EPHA3: variants seen among roughly 807,000 people sequenced by gnomAD.
The protein encoded by EPHA3 is EPH receptor A3.
A neutral mutation model predicts 107.1 loss-of-function variants in EPHA3; 42 were observed. That is an observed-to-expected ratio of 0.39 (90% CI 0.31 to 0.51). The LOEUF is 0.51. EPHA3 is among the 20% of genes least tolerant of loss of function. EPHA3 has a pLI of 0.78. For synonymous variants in EPHA3, 461 were observed against 424.8 expected (o/e 1.09, Z -1.05); for missense variants, 1,183 against 1,211.2 (o/e 0.98, Z 0.35).
intron 5 of EPHA3, among the ~76,000 whole-genome samples, chr3:89,376,288 G>C (rs1708401665): frequency 6.6e-6 from 1 of 151,514 alleles, no homozygotes; most frequent in Non-Finnish European, 1.5e-5. Context: ...AAGAATACAT[G>C]AATCTAATAT....
chr3:89,201,608 G>A (rs1705970344), intron 2 of EPHA3, among the ~76,000 whole-genome samples: 1 of 152,230 alleles, frequency 6.6e-6, no homozygotes, highest in Non-Finnish European at 1.5e-5. Flanking sequence ...TCTGACCACT[G>A]TCTCGCAGCT....
At chr3:89,207,543 G>C (rs1236460761) in intron 2 of EPHA3, among the ~76,000 whole-genome samples, 1 of 151,398 alleles carries the variant, frequency 6.6e-6, no homozygotes, top group Non-Finnish European at 1.5e-5. Flanking sequence ...AACAAACAAA[G>C]CAAAAAACAC....
chr3:89,327,540 C>A (rs1414500430), intron 3 of EPHA3, among the ~76,000 whole-genome samples: 1 of 152,034 alleles, frequency 6.6e-6, no homozygotes, highest in Non-Finnish European at 1.5e-5. Flanking sequence ...ACTGAGGGCA[C>A]GTTAGGTGTA....
At chr3:89,214,866 T>C (rs1336190394) in intron 3 of EPHA3, among the ~76,000 whole-genome samples, 1 of 151,918 alleles carries the variant, frequency 6.6e-6, no homozygotes, top group Non-Finnish European at 1.5e-5. Flanking sequence ...TAAGAAAGCA[T>C]GATTTAGGAA....
chr3:89,242,377 G>A (rs1200627355), intron 3 of EPHA3, among the ~76,000 whole-genome samples: 1 of 152,136 alleles, frequency 6.6e-6, no homozygotes, highest in African/African-American at 2.4e-5. Flanking sequence ...ATGTCCAAGT[G>A]TGCACTGCAA....
At chr3:89,202,534 A>AATATATAT (rs71105121) in intron 2 of EPHA3, among the ~76,000 whole-genome samples, 8 of 37,684 alleles carry the variant, frequency 2.1e-4, no homozygotes, top group East Asian at 1.3e-3. Flanking sequence ...AAAAAAAAAA[A>AATATATAT]ATATATATAT....
chr3:89,341,158 T>C, intron 4 of EPHA3, 87 bp downstream of exon 4: 2 of 1,406,356 alleles, frequency 1.4e-6, no homozygotes, highest in Non-Finnish European at 1.9e-6. Context: ...TTAAAGCATT[T>C]GGCCCATTTC....
chr3:89,187,235 C>T (rs888038600), intron 2 of EPHA3, among the ~76,000 whole-genome samples: 6 of 149,952 alleles, frequency 4.0e-5, no homozygotes, highest in Non-Finnish European at 7.4e-5. Flanking sequence ...TTATAATATG[C>T]TTAATGTATA....
chr3:89,425,483 T>C (rs1172750241), intron 11 of EPHA3, among the ~76,000 whole-genome samples: 1 of 150,758 alleles, frequency 6.6e-6, no homozygotes, highest in East Asian at 2.0e-4. Context: ...GATTTTATAA[T>C]ATACCCTCAT....
intron 2 of EPHA3, among the ~76,000 whole-genome samples, chr3:89,138,474 G>A (rs1254293445): frequency 1.3e-5 from 2 of 151,916 alleles, no homozygotes; most frequent in South Asian, 2.1e-4. Flanking sequence ...GAATTGGAAA[G>A]TCCCTGTCAT....
intron 3 of EPHA3, among the ~76,000 whole-genome samples, chr3:89,275,378 G>T (rs1705781737): frequency 6.6e-6 from 1 of 151,986 alleles, no homozygotes; most frequent in Non-Finnish European, 1.5e-5. Flanking sequence ...CAGGAAACTG[G>T]ATTTCCCTCT....
chr3:89,420,589 T>G (rs990255350), intron 11 of EPHA3, among the ~76,000 whole-genome samples: 2 of 151,536 alleles, frequency 1.3e-5, no homozygotes, highest in African/African-American at 4.8e-5. Flanking sequence ...TTTTTAAATT[T>G]TAAGTTAATA....
intron 5 of EPHA3, among the ~76,000 whole-genome samples, chr3:89,379,231 T>C (rs2107481828): frequency 6.6e-6 from 1 of 152,238 alleles, no homozygotes; most frequent in East Asian, 1.9e-4. Context: ...AAAGAGTAAA[T>C]TTGTTTGGGA....
At chr3:89,219,688 G>GTTTGTTT (rs1704308131) in intron 3 of EPHA3, among the ~76,000 whole-genome samples, 1 of 34,440 alleles carries the variant, frequency 2.9e-5, no homozygotes, top group East Asian at 8.5e-4. Flanking sequence ...ATTTGGCAAT[G>GTTTGTTT]TTTTTTTTTT....
At chr3:89,244,658 A>C (rs555834627) in intron 3 of EPHA3, among the ~76,000 whole-genome samples, 1 of 152,250 alleles carries the variant, frequency 6.6e-6, no homozygotes, top group Non-Finnish European at 1.5e-5. Context: ...ATTTTAAATT[A>C]GCTCTACTTC....
rs187022624 is a variant in EPHA3, at chr3:89,138,050, A to T, written c.153+10777A>T. Among the ~76,000 whole-genome samples, 200 of 152,064 alleles carry T rather than the reference A, an allele frequency of 1.3e-3. 1 individual carries two copies. Among genetic ancestry groups the T allele is most frequent in the Admixed American group, 4.5e-3 (68 of 15,232 alleles). On this transcript the variant is annotated intron_variant, in intron 2 of 16. Coordinates refer to ENST00000336596, the MANE Select transcript of EPHA3 (RefSeq NM_005233.6). ...TGCTGTGTTAGAAGATCGTTATCTG[A>T]TGTAATGAGGCACACAGTACTTACT...
At chr3:89,330,188 A>T (rs1024148148) in intron 3 of EPHA3, among the ~76,000 whole-genome samples, 3 of 151,892 alleles carry the variant, frequency 2.0e-5, no homozygotes, top group Non-Finnish European at 4.4e-5. Flanking sequence ...TTAAGTAGAA[A>T]CCCCCTTTCC....
intron 13 of EPHA3, among the ~76,000 whole-genome samples, chr3:89,437,420 T>C (rs1315842361): frequency 6.6e-6 from 1 of 151,858 alleles, no homozygotes; most frequent in African/African-American, 2.4e-5. Context: ...AGAAGTTTTG[T>C]GTCTGAAAAA....
intron 1 of EPHA3, among the ~76,000 whole-genome samples, chr3:89,113,485 CAAAAAAAAAAAAAAA>C (rs753848304): frequency 6.4e-5 from 2 of 31,086 alleles, no homozygotes; most frequent in Admixed American, 8.3e-4. Flanking sequence ...TTCCTTTGTA[CAAAAAAAAAAAAAAA>C]AAAAAAAAAA....
Sources: allele counts gnomAD v4.1 joint callset (sites outside exome capture counted in the v4.1 genomes callset), GRCh38; gene constraint gnomAD v4.1.1; transcripts MANE v1.5; gene names NCBI Gene and HGNC (gene_info 2026-07-23, HGNC 2026-07-21).